DPF3: variants seen among roughly 807,000 people sequenced by gnomAD.
DPF3 encodes zinc finger protein DPF3.
DPF3 carries 18 observed loss-of-function variants against 56.8 expected under a neutral mutation model. That is an observed-to-expected ratio of 0.32 (90% confidence interval 0.22 to 0.47). DPF3 has a LOEUF of 0.47. DPF3 is among the 20% of genes least tolerant of loss of function. DPF3 has a pLI of 1.00. For synonymous variants in DPF3, 188 were observed against 180.2 expected, an observed-to-expected ratio of 1.04 and a Z score of -0.35; for missense variants, 403 against 488.8, an observed-to-expected ratio of 0.82 and a Z score of 1.65.
At chr14:72,826,627 C>T (rs900190055) in intron 1 of DPF3, among the ~76,000 whole-genome samples, 1 of 152,198 alleles carries the variant, frequency 6.6e-6, no homozygotes, top group Non-Finnish European at 1.5e-5. Flanking sequence ...TTCATTCATT[C>T]AGCAAACATT....
At chr14:72,824,094 T>C (rs779552226) in intron 1 of DPF3, among the ~76,000 whole-genome samples, 4 of 152,176 alleles carry the variant, frequency 2.6e-5, no homozygotes, top group African/African-American at 4.8e-5. Flanking sequence ...GATCAGGCAC[T>C]GGAAGCTTAT....
At chr14:72,714,841 C>T (rs956140566) in intron 5 of DPF3, among the ~76,000 whole-genome samples, 2 of 152,160 alleles carry the variant, frequency 1.3e-5, no homozygotes, top group African/African-American at 4.8e-5. Context: ...GAAAAGCCCT[C>T]CTCTACCAAA....
chr14:72,761,940 A>G (rs1891083894), intron 2 of DPF3, among the ~76,000 whole-genome samples: 1 of 151,838 alleles, frequency 6.6e-6, no homozygotes, highest in Non-Finnish European at 1.5e-5. Context: ...TTGTGCAACC[A>G]ATTAGGAGAA....
intron 3 of DPF3, among the ~76,000 whole-genome samples, chr14:72,753,028 G>T (rs1011512186): frequency 5.9e-5 from 9 of 152,278 alleles, no homozygotes; most frequent in African/African-American, 2.2e-4. Context: ...TTTCCTCCCT[G>T]GGGTGGCAAA....
intron 1 of DPF3, among the ~76,000 whole-genome samples, chr14:72,851,318 C>A (rs1189265750): frequency 6.6e-6 from 1 of 152,166 alleles, no homozygotes; most frequent in Non-Finnish European, 1.5e-5. Context: ...TTTTCTTAAT[C>A]CCTGTTTGCT....
intron 3 of DPF3, 54 bp downstream of exon 3, chr14:72,753,210 C>T (rs940721705): frequency 3.9e-6 from 6 of 1,557,352 alleles, no homozygotes; most frequent in African/African-American, 1.4e-5. Flanking sequence ...GGGCCCAGCC[C>T]AGTCCTCCCA....
chr14:72,881,396 C>A (rs1374417836), intron 1 of DPF3, among the ~76,000 whole-genome samples: 1 of 152,060 alleles, frequency 6.6e-6, no homozygotes, highest in Non-Finnish European at 1.5e-5. Context: ...GCAGGTGAGA[C>A]TGGGTTTCCC....
At chr14:72,872,307 T>C (rs1885932757) in intron 1 of DPF3, among the ~76,000 whole-genome samples, 1 of 152,226 alleles carries the variant, frequency 6.6e-6, no homozygotes, top group African/African-American at 2.4e-5. Context: ...CTGGAGACAT[T>C]TTCCCCAGGG....
intron 8 of DPF3, among the ~76,000 whole-genome samples, chr14:72,667,700 G>A (rs1886498457): frequency 6.6e-6 from 1 of 152,154 alleles, no homozygotes; most frequent in Admixed American, 6.5e-5. Context: ...CAGAGAATCT[G>A]AATTAGAACT....
At chr14:72,735,375 T>C (rs1449567201) in intron 3 of DPF3, among the ~76,000 whole-genome samples, 1 of 152,170 alleles carries the variant, frequency 6.6e-6, no homozygotes, top group African/African-American at 2.4e-5. Context: ...CTCTTCCTTC[T>C]CCTGCTCTTC....
At chr14:72,705,921 G>A (rs1031342758) in intron 6 of DPF3, among the ~76,000 whole-genome samples, 1 of 152,078 alleles carries the variant, frequency 6.6e-6, no homozygotes, top group African/African-American at 2.4e-5. Context: ...GTGGGGGAGG[G>A]AAGGAGAATG....
At chr14:72,752,411 C>T (rs529505757) in intron 3 of DPF3, among the ~76,000 whole-genome samples, 2 of 152,298 alleles carry the variant, frequency 1.3e-5, no homozygotes, top group East Asian at 3.9e-4. Flanking sequence ...GCCTATAATC[C>T]CAGCACTTTG....
At chr14:72,861,545 C>A (rs192661527) in intron 1 of DPF3, among the ~76,000 whole-genome samples, 3 of 152,154 alleles carry the variant, frequency 2.0e-5, no homozygotes, top group Non-Finnish European at 4.4e-5. Context: ...AACTTATACA[C>A]CTTGCTAATA....
intron 1 of DPF3, among the ~76,000 whole-genome samples, chr14:72,802,320 C>T (rs897821845): frequency 6.6e-6 from 1 of 152,180 alleles, no homozygotes; most frequent in Non-Finnish European, 1.5e-5. Flanking sequence ...TGTTCTGTTG[C>T]CTCGGGGGCC....
intron 1 of DPF3, among the ~76,000 whole-genome samples, chr14:72,817,713 T>TA (rs1051562187): frequency 5.3e-5 from 8 of 151,704 alleles, no homozygotes; most frequent in Admixed American, 3.3e-4. Context: ...GAATTGAGGT[T>TA]AAAAAAAATC....
intron 1 of DPF3, among the ~76,000 whole-genome samples, chr14:72,804,693 G>T (rs1893020709): frequency 6.6e-6 from 1 of 152,112 alleles, no homozygotes; most frequent in Non-Finnish European, 1.5e-5. Flanking sequence ...CACTGCTAGG[G>T]TATGACACAT....
intron 1 of DPF3, among the ~76,000 whole-genome samples, chr14:72,782,473 T>C (rs1892020719): frequency 6.6e-6 from 1 of 152,160 alleles, no homozygotes; most frequent in African/African-American, 2.4e-5. Context: ...AGTCAGCCCG[T>C]CTCAGTCTCC....
Position 72,693,252 on chromosome 14 carries a change from A to G in DPF3, c.605-39T>C, listed in dbSNP as rs199898667. 22 of 1,606,682 alleles carry G rather than the reference A, an allele frequency of 1.4e-5. No individual in the cohort carries two copies. In the East Asian group the frequency reaches 4.5e-4, roughly 33 times the overall value. On this transcript the variant is annotated intron_variant, in intron 6 of 10. Transcript: ENST00000556509. ...GAGGAAAAAAGGGAGAGATACAAAT[A>G]TTAGCAACCTGTGCAGCCACCGCTA...
At chr14:72,879,174 A>C (rs2140121671) in intron 1 of DPF3, among the ~76,000 whole-genome samples, 1 of 152,326 alleles carries the variant, frequency 6.6e-6, no homozygotes, top group South Asian at 2.1e-4. Context: ...ACTGGAAGTC[A>C]GGAGTTTGAG....
Sources: gnomAD v4.1 joint callset for allele counts (sites outside exome capture counted in the v4.1 genomes callset) on GRCh38, gnomAD v4.1.1 for gene constraint, MANE v1.5 for transcripts, NCBI Gene and HGNC (gene_info 2026-07-23, HGNC 2026-07-21) for gene names.